Variants in VPS50 observed in about 807,000 individuals in gnomAD.
VPS50 encodes the protein syndetin.
A neutral mutation model predicts 139.7 loss-of-function variants in VPS50; 70 were observed. The ratio of observed to expected loss-of-function variants is 0.50; its 90% CI spans 0.41 to 0.61. The LOEUF (loss-of-function observed/expected upper bound fraction) is 0.61, where lower values mean the gene tolerates loss of function less well. Ranked by LOEUF, VPS50 falls within the 20% of genes least tolerant of loss-of-function variation. The probability of loss-of-function intolerance (pLI) is 0.00; values close to 1 mark genes in which losing one functional copy is unlikely to be tolerated. For synonymous variants in VPS50, 365 were observed against 376.7 expected (o/e 0.97, Z 0.36); for missense variants, 921 against 1,133.7 (o/e 0.81, Z 2.69).
In VPS50 at chr7:93,345,671, A is replaced by G. The variant is rs564882361; in HGVS notation, c.2208-3040A>G. Among the ~76,000 whole-genome samples, 18 of 152,376 alleles carry G rather than the reference A, an allele frequency of 1.2e-4. No individual in the cohort carries two copies. In the South Asian group the frequency reaches 3.1e-3, roughly 26 times the overall value. On this transcript the variant is annotated intron_variant, in intron 23 of 27. Transcript: ENST00000305866. ...ATCCCTGGGATGCAAGGCTGGTTCA[A>G]TATACACAAATCAATAAATGTAATC...
Position 93,232,373 on chromosome 7 carries a change from C to G in VPS50, c.-95C>G. 2.9e-6 allele frequency: 3 copies of G among 1,046,484 alleles called. No homozygotes were observed. The highest frequency in any genetic ancestry group is 1.7e-5 in the Admixed American group (1 of 58,120). The allele number at this position is 1,046,484 out of a possible 1,614,324, so 64.8% of individuals were successfully genotyped here. Reference sequence around the variant, plus strand: ...CTGGGTCGGCTCCTCCACGTGACCACCCACTATGGCTTCCTAGTGTCAGGG... The same window carrying G: ...CTGGGTCGGCTCCTCCACGTGACCAGCCACTATGGCTTCCTAGTGTCAGGG... On this transcript the variant is annotated 5_prime_UTR_variant, in exon 1 of 28. Transcript: ENST00000305866.
intron 2 of VPS50, among the ~76,000 whole-genome samples, chr7:93,245,904 A>G (rs1795138340): frequency 1.3e-5 from 2 of 151,836 alleles, no homozygotes; most frequent in Admixed American, 6.6e-5. Context: ...CTTACGTGGC[A>G]TGTGGTTTTA....
chr7:93,301,841 CTT>C (rs1462463811), intron 16 of VPS50, among the ~76,000 whole-genome samples: 1 of 152,142 alleles, frequency 6.6e-6, no homozygotes, highest in African/African-American at 2.4e-5. Flanking sequence ...AACTGTCACA[CTT>C]TTTTCCAAAG....
chr7:93,346,594 C>T (rs1042643439), intron 23 of VPS50, among the ~76,000 whole-genome samples: 25 of 152,080 alleles, frequency 1.6e-4, no homozygotes, highest in Non-Finnish European at 3.5e-4. Flanking sequence ...GCTACAGTAA[C>T]CAAAACAGCA....
At chr7:93,273,580 C>G (rs1264583551) in intron 11 of VPS50, 2 of 151,902 alleles carry the variant, frequency 1.3e-5, no homozygotes, top group African/African-American at 4.8e-5. Context: ...TGTTTAAACA[C>G]CTTTGAAAAT....
At position 93,359,902 on chromosome 7, in the gene VPS50, G is replaced by A. The variant is rs186046386; in HGVS notation, c.*1466G>A. The A allele has an allele frequency of 3.2e-4, 48 of 152,142 alleles. No homozygotes were observed. Among genetic ancestry groups the A allele is most frequent in the African/African-American group, 1.0e-3 (42 of 41,504 alleles). 9.4% of individuals were successfully genotyped at this position (152,142 alleles called of 1,614,324 possible). On this transcript the variant is annotated 3_prime_UTR_variant, in exon 28 of 28. Coordinates refer to ENST00000305866, the MANE Select transcript of VPS50 (RefSeq NM_017667.4). The stretch of plus-strand genomic sequence containing the variant: ...TGTTTTCTTTTCATCCTCTCATGTC[G>A]GAGTTCATTTACTGTCAATTTAAAA...
rs1798803705 is a variant in VPS50 at position 93,360,178 on chromosome 7, A to C, written c.*1742A>C. On this transcript the variant is annotated 3_prime_UTR_variant, in exon 28 of 28. Transcript: ENST00000305866. ...TTTTTCTCTTCTACATGGATTTTAT[A>C]GTTGGTTTCCTTTAATTTCTACTTT... 1 of 152,094 alleles carries C rather than the reference A, an allele frequency of 6.6e-6. No individual in the cohort carries two copies. Among genetic ancestry groups the C allele is most frequent in the Non-Finnish European group, 1.5e-5 (1 of 67,998 alleles). 9.4% of individuals were successfully genotyped at this position (152,094 alleles called of 1,614,324 possible).
chr7:93,324,796 A>G (rs561679065), intron 21 of VPS50, among the ~76,000 whole-genome samples: 11 of 152,324 alleles, frequency 7.2e-5, no homozygotes, highest in African/African-American at 2.6e-4. Flanking sequence ...ATAAAAGAGG[A>G]TACAAAGAAA....
At chr7:93,314,553 C>G (rs960844651) in intron 20 of VPS50, among the ~76,000 whole-genome samples, 2 of 152,124 alleles carry the variant, frequency 1.3e-5, no homozygotes, top group African/African-American at 2.4e-5. Context: ...TCACGGTTCT[C>G]TCTCCTGGAA....
chr7:93,318,338 T>A (rs1797491824), intron 20 of VPS50, among the ~76,000 whole-genome samples: 1 of 152,132 alleles, frequency 6.6e-6, no homozygotes, highest in Admixed American at 6.5e-5. Context: ...GCCAGGCACT[T>A]AGGTAATGGA....
At chr7:93,346,236 A>G (rs1798390046) in intron 23 of VPS50, among the ~76,000 whole-genome samples, 2 of 152,232 alleles carry the variant, frequency 1.3e-5, no homozygotes, top group South Asian at 4.1e-4. Context: ...TGCTTCAAAG[A>G]GAATAAAATA....
intron 23 of VPS50, among the ~76,000 whole-genome samples, chr7:93,342,186 T>C: frequency 6.6e-6 from 1 of 152,138 alleles, no homozygotes; most frequent in Admixed American, 6.6e-5. Context: ...GGTCAGGGAG[T>C]TCCCTTTCCT....
intron 12 of VPS50, among the ~76,000 whole-genome samples, chr7:93,285,027 G>A (rs1047299551): frequency 9.9e-5 from 15 of 152,136 alleles, no homozygotes; most frequent in Admixed American, 8.5e-4. Flanking sequence ...AACTCCCTGG[G>A]CCTGGTGCTG....
At chr7:93,324,217 A>G (rs1370624452) in intron 21 of VPS50, among the ~76,000 whole-genome samples, 1 of 152,224 alleles carries the variant, frequency 6.6e-6, no homozygotes, top group Non-Finnish European at 1.5e-5. Flanking sequence ...TAGATATACA[A>G]TCATGTCATC....
intron 12 of VPS50, among the ~76,000 whole-genome samples, chr7:93,288,895 A>T (rs958502273): frequency 6.6e-6 from 1 of 152,118 alleles, no homozygotes; most frequent in Non-Finnish European, 1.5e-5. Context: ...ACTGATGTTT[A>T]TGGTGGTTAG....
intron 17 of VPS50, 103 bp from the exon 18 acceptor site, chr7:93,305,725 A>G (rs1204932422): frequency 8.8e-6 from 7 of 792,016 alleles, no homozygotes; most frequent in Non-Finnish European, 1.3e-5. Context: ...GAAGATCAAG[A>G]TGTTGTTTTT....
Position 93,358,342 on chromosome 7 carries a change from A to G in VPS50, c.2801A>G (p.Asn934Ser). ...HREYSTKQLT[N>S]LVNVCLGSHI... ...GAATATTCAACGAAGCAGCTGACCA[A>G]TCTGGTGAATGTTTGCCTGGGATCC... Residue 934 changes from asparagine (N) to serine (S), a missense_variant, in exon 28 of 28, where the codon AAT becomes AGT. Asn to Ser is a conservative substitution (Grantham distance 46). Coordinates refer to ENST00000305866, the MANE Select transcript of VPS50 (RefSeq NM_017667.4). 12 of 1,612,898 alleles carry G rather than the reference A, an allele frequency of 7.4e-6. No individual in the cohort carries two copies. Among genetic ancestry groups the G allele is most frequent in the South Asian group, 4.4e-5 (4 of 91,054 alleles).
chr7:93,319,905 A>G, intron 20 of VPS50, among the ~76,000 whole-genome samples: 1 of 152,114 alleles, frequency 6.6e-6, no homozygotes, highest in Middle Eastern at 3.4e-3. Context: ...TTTAAATATT[A>G]TATTTTTACT....
At chr7:93,251,988 TTGTC>T (rs1297977950) in intron 2 of VPS50, among the ~76,000 whole-genome samples, 1 of 152,166 alleles carries the variant, frequency 6.6e-6, no homozygotes, top group Non-Finnish European at 1.5e-5. Context: ...GTTTAGGGAT[TTGTC>T]TGTCATGCTG....
Sources: allele counts gnomAD v4.1 joint callset (sites outside exome capture counted in the v4.1 genomes callset), GRCh38; gene constraint gnomAD v4.1.1; transcripts MANE v1.5; gene names NCBI Gene and HGNC (gene_info 2026-07-23, HGNC 2026-07-21).